Variants in CYFIP2 observed in about 807,000 individuals in gnomAD.
CYFIP2 encodes the protein cytoplasmic FMR1 interacting protein 2, also known as cytoplasmic FMR1-interacting protein 2.
A neutral mutation model predicts 158.7 loss-of-function variants in CYFIP2; 29 were observed. The observed-to-expected ratio is 0.18, with a 90% CI of 0.14 to 0.25. The LOEUF (loss-of-function observed/expected upper bound fraction) is 0.25, where lower values mean the gene tolerates loss of function less well. Ranked by LOEUF, CYFIP2 falls within the 10% of genes least tolerant of loss-of-function variation. The probability of loss-of-function intolerance (pLI) is 1.00; values close to 1 mark genes in which losing one functional copy is unlikely to be tolerated. For missense variants in CYFIP2, 852 were observed against 1,639.5 expected (o/e 0.52, Z 8.29); for synonymous variants, 585 against 617.6 (o/e 0.95, Z 0.78).
In CYFIP2 at chr5:157,361,398, A is replaced by C. The variant is rs1170600144; in HGVS notation, c.2909-70A>C. On this transcript the variant is annotated intron_variant, in intron 25 of 30. Transcript: ENST00000620254. The surrounding 1 kb of genome is among the most constrained non-coding windows in gnomAD (Gnocchi z 4.4). ...AGAGTCAGGTCTGGGGCTGCCACTC[A>C]GTCATTGTTTCCCATAGACCCTACT... 9 of 1,604,792 alleles carry C rather than the reference A, an allele frequency of 5.6e-6. No individual in the cohort carries two copies. The highest frequency in any genetic ancestry group is 1.3e-5 in the African/African-American group (1 of 74,868).
chr5:157,285,391 C>G lies in CYFIP2; in HGVS notation c.30C>G (p.Ala10=). The change falls in exon 2 of 31, where the codon GCC becomes GCG. Residue 10 remains alanine (A), a synonymous_variant. Transcript: ENST00000620254. ...CCACGCACGTCACCCTGGAAGATGCCCTGTCCAACGTGGACCTGCTTGAAG... is the reference window on the plus strand; with the variant it reads ...CCACGCACGTCACCCTGGAAGATGCGCTGTCCAACGTGGACCTGCTTGAAG... The part of the protein sequence containing the change: MTTHVTLED[A]LSNVDLLEEL... The G allele has an allele frequency of 1.9e-6, 3 of 1,577,438 alleles. No individual in the cohort carries two copies. The highest frequency in any genetic ancestry group is 2.6e-6 in the Non-Finnish European group (3 of 1,161,790).
At chr5:157,298,462 A>ACT (rs1408604320) in intron 5 of CYFIP2, among the ~76,000 whole-genome samples, 1 of 150,808 alleles carries the variant, frequency 6.6e-6, no homozygotes, top group Non-Finnish European at 1.5e-5. Context: ...CTCCCTCCCA[A>ACT]GTAGCCAGGA....
intron 1 of CYFIP2, among the ~76,000 whole-genome samples, chr5:157,285,089 T>C (rs1186860745): frequency 6.6e-6 from 1 of 152,210 alleles, no homozygotes; most frequent in Admixed American, 6.5e-5. Context: ...GGTACCACCT[T>C]CCATGTTGAT....
At chr5:157,348,745 T>G (rs1561753473) in intron 23 of CYFIP2, among the ~76,000 whole-genome samples, 1 of 152,070 alleles carries the variant, frequency 6.6e-6, no homozygotes, top group East Asian at 1.9e-4. Context: ...TTAGTAGATA[T>G]GAGATCAGAT....
intron 26 of CYFIP2, among the ~76,000 whole-genome samples, chr5:157,369,856 CA>C (rs1480333547): frequency 6.7e-6 from 1 of 148,826 alleles, no homozygotes; most frequent in East Asian, 2.0e-4. Flanking sequence ...ACAAGGAAAA[CA>C]AAATCCTTGA....
At chr5:157,290,012 C>T (rs1284835118) in intron 3 of CYFIP2, among the ~76,000 whole-genome samples, 3 of 152,124 alleles carry the variant, frequency 2.0e-5, no homozygotes, top group Non-Finnish European at 2.9e-5. Context: ...CACTGGGGTA[C>T]AGCTAAGAGG....
intron 1 of CYFIP2, among the ~76,000 whole-genome samples, chr5:157,278,738 A>G (rs1317872421): frequency 2.6e-5 from 4 of 152,168 alleles, no homozygotes; most frequent in Non-Finnish European, 5.9e-5. Flanking sequence ...TCTATTGAAA[A>G]CAGGCCACAG....
At position 157,393,716 on chromosome 5, in the gene CYFIP2, C is replaced by CA. The variant is rs966230455; in HGVS notation, c.*719dup. On this transcript the variant is annotated 3_prime_UTR_variant, in exon 31 of 31. Transcript: ENST00000620254. ...GAACACAGCCAGAAATGTCATAGTC[C>CA]AAACAGGATGCTTTCAGGCCATCTC... is the stretch of plus-strand genomic sequence containing the variant. 2 of 152,312 alleles carry CA rather than the reference C, an allele frequency of 1.3e-5. No homozygotes were observed. The highest frequency in any genetic ancestry group is 1.3e-4 in the Admixed American group (2 of 15,288). 9.4% of individuals were successfully genotyped at this position (152,312 alleles called of 1,614,324 possible).
At chr5:157,271,399 GT>G in intron 1 of CYFIP2, 1 of 152,396 alleles carries the variant, frequency 6.6e-6, no homozygotes, top group Non-Finnish European at 1.5e-5. Context: ...TGCTGTTGTG[GT>G]TTTTTTAGTA....
At chr5:157,286,139 A>T (rs1434603065) in intron 2 of CYFIP2, among the ~76,000 whole-genome samples, 1 of 152,214 alleles carries the variant, frequency 6.6e-6, no homozygotes, top group Non-Finnish European at 1.5e-5. Context: ...AATTTCATTC[A>T]GTAGATGTAT....
chr5:157,280,348 C>T (rs936488785), intron 1 of CYFIP2, among the ~76,000 whole-genome samples: 3 of 151,004 alleles, frequency 2.0e-5, no homozygotes, highest in African/African-American at 7.3e-5. Context: ...AGGCACCCAC[C>T]ACCACGCCTG....
intron 23 of CYFIP2, among the ~76,000 whole-genome samples, chr5:157,358,455 T>C (rs1279006653): frequency 6.6e-6 from 1 of 152,184 alleles, no homozygotes; most frequent in Non-Finnish European, 1.5e-5. Flanking sequence ...ATGTGGAAAC[T>C]AAGGCTCGAA....
At chr5:157,343,138 G>C (rs778683209) in intron 23 of CYFIP2, 2 of 1,614,214 alleles carry the variant, frequency 1.2e-6, no homozygotes, top group Non-Finnish European at 1.7e-6. Flanking sequence ...ACCAGAACTG[G>C]AGGCAGATGA....
chr5:157,305,157 A>G lies in CYFIP2; in HGVS notation c.795+791A>G, dbSNP rs193298345. Among the ~76,000 whole-genome samples, 406 of 152,160 alleles carry G rather than the reference A, an allele frequency of 2.7e-3. 2 individuals carry two copies. Among genetic ancestry groups the G allele is most frequent in the African/African-American group, 9.5e-3 (394 of 41,512 alleles). The stretch of plus-strand genomic sequence containing the variant: ...ATTTTCTTTATCTGCTTGTTGGTTG[A>G]CGGGCATTTAGGTTGATTCCATATT... On this transcript the variant is annotated intron_variant, in intron 8 of 30. Coordinates refer to ENST00000620254, the MANE Select transcript of CYFIP2 (RefSeq NM_001037333.3).
chr5:157,383,827 C>G (rs2113519439), intron 28 of CYFIP2, among the ~76,000 whole-genome samples: 1 of 152,162 alleles, frequency 6.6e-6, no homozygotes, highest in South Asian at 2.1e-4. Flanking sequence ...AATAAAATGC[C>G]AGGTTATTGC....
At chr5:157,387,986 TG>T (rs1483943477) in intron 28 of CYFIP2, among the ~76,000 whole-genome samples, 1 of 152,186 alleles carries the variant, frequency 6.6e-6, no homozygotes, top group African/African-American at 2.4e-5. Context: ...CCTCTCTTCC[TG>T]GGGGCCTCCA....
intron 23 of CYFIP2, among the ~76,000 whole-genome samples, chr5:157,347,758 G>A (rs926249998): frequency 1.6e-4 from 25 of 152,338 alleles, no homozygotes; most frequent in African/African-American, 5.8e-4. Flanking sequence ...TTCCACTGTG[G>A]AATTAAGATA....
rs143712105 is a variant in CYFIP2, at chr5:157,344,162, G to A, written c.2673+3005G>A. 4.2e-3 allele frequency among the ~76,000 whole-genome samples: 634 copies of A among 152,110 alleles called. 3 individuals are homozygous for A. The highest frequency in any genetic ancestry group is 6.9e-3 in the Non-Finnish European group (467 of 67,986). ...GTTTGTTTGTTTTTTCAAAGCCAGCGGTACCAGGAAATTTATTTTATGGGT... is the reference window on the plus strand; with the variant it reads ...GTTTGTTTGTTTTTTCAAAGCCAGCAGTACCAGGAAATTTATTTTATGGGT... On this transcript the variant is annotated intron_variant, in intron 23 of 30. Transcript: ENST00000620254.
chr5:157,367,871 C>T (rs1764569865), intron 26 of CYFIP2, among the ~76,000 whole-genome samples: 1 of 151,412 alleles, frequency 6.6e-6, no homozygotes. Flanking sequence ...TCTCCTGCCT[C>T]AGCCTCCTAA....
Sources: gnomAD v4.1 joint callset for allele counts (sites outside exome capture counted in the v4.1 genomes callset) on GRCh38, gnomAD v4.1.1 for gene constraint, Gnocchi (gnomAD v3.1) non-coding constraint, MANE v1.5 for transcripts, NCBI Gene and HGNC (gene_info 2026-07-23, HGNC 2026-07-21) for gene names.